ADAM18: variants seen among roughly 807,000 people sequenced by gnomAD.
ADAM18 encodes ADAM metallopeptidase domain 18.
A neutral mutation model predicts 94.4 loss-of-function variants in ADAM18; 117 were observed. The ratio of observed to expected loss-of-function variants is 1.24; its 90% CI spans 1.07 to 1.45. The LOEUF is 1.45. Ranked by LOEUF, ADAM18 falls within the 40% of genes most tolerant of loss-of-function variation. The pLI is 0.00. For missense variants in ADAM18, 936 were observed against 880.0 expected (o/e 1.06, Z -0.81); for synonymous variants, 327 against 291.6 (o/e 1.12, Z -1.24).
intron 2 of ADAM18, among the ~76,000 whole-genome samples, chr8:39,593,592 A>G (rs1818643867): frequency 1.3e-5 from 2 of 152,156 alleles, no homozygotes; most frequent in Admixed American, 6.6e-5. Context: ...AATGAATCCA[A>G]ACATATACAG....
chr8:39,728,074 G>A (rs1822970570), intron 19 of ADAM18, among the ~76,000 whole-genome samples: 1 of 152,076 alleles, frequency 6.6e-6, no homozygotes, highest in Non-Finnish European at 1.5e-5. Context: ...AAGCGAGAGA[G>A]TCAGGTGAGG....
chr8:39,649,396 G>A (rs1053834999), intron 12 of ADAM18, among the ~76,000 whole-genome samples: 3 of 149,472 alleles, frequency 2.0e-5, no homozygotes, highest in Admixed American at 6.7e-5. Context: ...ATATATATAT[G>A]TTTCCAATTA....
intron 11 of ADAM18, 65 bp from the exon 12 acceptor site, chr8:39,648,279 A>T: frequency 1.5e-6 from 2 of 1,296,358 alleles, no homozygotes; most frequent in Non-Finnish European, 1.0e-6. Flanking sequence ...TTATGTATGG[A>T]GTGTTGTTTA....
chr8:39,595,331 G>A (rs945032837), intron 2 of ADAM18, among the ~76,000 whole-genome samples: 9 of 151,878 alleles, frequency 5.9e-5, no homozygotes, highest in Admixed American at 3.3e-4. Flanking sequence ...CTACAAGGAG[G>A]GACTGCAATC....
chr8:39,618,667 A>G (rs1450537694), intron 6 of ADAM18, among the ~76,000 whole-genome samples: 1 of 152,194 alleles, frequency 6.6e-6, no homozygotes, highest in Non-Finnish European at 1.5e-5. Context: ...AAAGAGGCCT[A>G]GAAGAGCCGT....
chr8:39,620,449 CT>C (rs1358411805), intron 6 of ADAM18, among the ~76,000 whole-genome samples: 1 of 145,812 alleles, frequency 6.9e-6, no homozygotes, highest in Non-Finnish European at 1.5e-5. Context: ...AACAAAAACA[CT>C]ACAACAAACT....
intron 17 of ADAM18, among the ~76,000 whole-genome samples, chr8:39,702,343 TTTC>T (rs1398935214): frequency 1.3e-5 from 2 of 152,188 alleles, no homozygotes; most frequent in East Asian, 1.9e-4. Flanking sequence ...TGGGGTTTTT[TTTC>T]TTCTTCTTGT....
chr8:39,716,541 C>A (rs2198204), intron 18 of ADAM18, among the ~76,000 whole-genome samples: 1 of 151,690 alleles, frequency 6.6e-6, no homozygotes, highest in East Asian at 1.9e-4. Context: ...ACTTACATCC[C>A]CTTGTGATCT....
chr8:39,687,155 A>G (rs1821629149), intron 16 of ADAM18, among the ~76,000 whole-genome samples: 1 of 152,200 alleles, frequency 6.6e-6, no homozygotes, highest in Non-Finnish European at 1.5e-5. Flanking sequence ...TTGCACCTAT[A>G]TATAGGAAGT....
chr8:39,648,600 T>C, intron 12 of ADAM18, 73 bp downstream of exon 12: 1 of 1,328,410 alleles, frequency 7.5e-7, no homozygotes, highest in Non-Finnish European at 1.0e-6. Flanking sequence ...TTTGTCATGG[T>C]ATATATAAAT....
intron 18 of ADAM18, 105 bp downstream of exon 18, chr8:39,707,009 C>A: frequency 1.6e-6 from 1 of 631,264 alleles, no homozygotes; most frequent in Non-Finnish European, 2.8e-6. Context: ...TACATTGCAG[C>A]AGTCCCTCCT....
intron 19 of ADAM18, among the ~76,000 whole-genome samples, chr8:39,726,261 C>A (rs1822905219): frequency 6.7e-6 from 1 of 149,888 alleles, no homozygotes; most frequent in South Asian, 2.1e-4. Context: ...GAGATCTACA[C>A]ACACACACAC....
chr8:39,630,910 A>G (rs547090256), intron 7 of ADAM18, among the ~76,000 whole-genome samples: 1 of 152,134 alleles, frequency 6.6e-6, no homozygotes, highest in African/African-American at 2.4e-5. Context: ...ACTTTTAAAA[A>G]TCTTAGCCAT....
intron 3 of ADAM18, among the ~76,000 whole-genome samples, chr8:39,608,510 G>A (rs1314441796): frequency 6.6e-6 from 1 of 151,664 alleles, no homozygotes; most frequent in Non-Finnish European, 1.5e-5. Context: ...GAGGGTCCTT[G>A]CATTTTCTAT....
At position 39,588,720 on chromosome 8, in the gene ADAM18, A is replaced by T. The variant is rs1204501595; in HGVS notation, c.132+3368A>T. ...TATCAATGCCTTCTTGCCAAAGACCATTGCAAGCACGCCTGCAATTGAACA... is the reference window on the plus strand; with the variant it reads ...TATCAATGCCTTCTTGCCAAAGACCTTTGCAAGCACGCCTGCAATTGAACA... On this transcript the variant is annotated intron_variant, in intron 2 of 19. Transcript: ENST00000265707. Among the ~76,000 whole-genome samples, 4 of 152,282 alleles carry T rather than the reference A, an allele frequency of 2.6e-5. No homozygotes were observed. In the South Asian group the frequency reaches 8.3e-4, roughly 32 times the overall value.
At chr8:39,625,579 T>C (rs544477891) in intron 6 of ADAM18, among the ~76,000 whole-genome samples, 1 of 152,188 alleles carries the variant, frequency 6.6e-6, no homozygotes, top group African/African-American at 2.4e-5. Context: ...CTATGTTGAA[T>C]AGAAGTAGTG....
intron 14 of ADAM18, among the ~76,000 whole-genome samples, chr8:39,673,617 T>C (rs1289935153): frequency 6.6e-6 from 1 of 152,168 alleles, no homozygotes; most frequent in African/African-American, 2.4e-5. Context: ...GGTTTCTCTG[T>C]CTCTTTCAGT....
At chr8:39,632,410 T>C (rs1357712129) in intron 7 of ADAM18, among the ~76,000 whole-genome samples, 2 of 152,084 alleles carry the variant, frequency 1.3e-5, no homozygotes, top group Non-Finnish European at 2.9e-5. Flanking sequence ...TTTTCCAAGA[T>C]TTTTGTCATG....
chr8:39,633,473 A>C (rs1819989593), intron 7 of ADAM18, among the ~76,000 whole-genome samples: 1 of 152,196 alleles, frequency 6.6e-6, no homozygotes, highest in Non-Finnish European at 1.5e-5. Flanking sequence ...TTAAGTGGTC[A>C]TGAACAGAAT....
Sources: allele counts gnomAD v4.1 joint callset (sites outside exome capture counted in the v4.1 genomes callset), GRCh38; gene constraint gnomAD v4.1.1; transcripts MANE v1.5; gene names NCBI Gene and HGNC (gene_info 2026-07-23, HGNC 2026-07-21).